The following POLD2 variants were observed in gnomAD, a reference collection of about 807,000 sequenced individuals.
POLD2 encodes the protein DNA polymerase delta subunit 2.
In POLD2, 31 loss-of-function variants were observed where a neutral mutation model predicts 48.8. The observed-to-expected ratio is 0.64, with a 90% CI of 0.48 to 0.86. The LOEUF (loss-of-function observed/expected upper bound fraction) is 0.86, where lower values mean the gene tolerates loss of function less well. POLD2 is among the 40% of genes least tolerant of loss of function. The pLI is 0.00. For missense variants in POLD2, 455 were observed against 610.1 expected, an observed-to-expected ratio of 0.75 and a Z score of 2.68; for synonymous variants, 233 against 256.3, an observed-to-expected ratio of 0.91 and a Z score of 0.87.
At chr7:44,117,496 A>T (rs1228347895) in intron 4 of POLD2, 123 bp downstream of exon 4, 1 of 1,247,484 alleles carries the variant, frequency 8.0e-7, no homozygotes, top group Admixed American at 2.1e-5. Flanking sequence ...CCTCCTCAAG[A>T]ACACACGTGT....
Position 44,114,689 on chromosome 7 carries a change from G to C in POLD2, c.*96C>G. The C allele has an allele frequency of 7.6e-7, 1 of 1,310,246 alleles. No individual in the cohort carries two copies. The highest frequency in any genetic ancestry group is 1.1e-6 in the Non-Finnish European group (1 of 947,882). The allele number at this position is 1,310,246 out of a possible 1,614,324, so 81.2% of individuals were successfully genotyped here. On this transcript the variant is annotated 3_prime_UTR_variant, in exon 11 of 11. Coordinates refer to ENST00000610533, the MANE Select transcript of POLD2 (RefSeq NM_006230.4). The stretch of plus-strand genomic sequence containing the variant: ...CCAGAGTGCCCAGGGCTCAAGGCTC[G>C]CATCAGCAAGTGCTCAGGCTTTATT...
Position 44,116,416 on chromosome 7 carries a change from C to T in POLD2, c.861+14G>A. The T allele has an allele frequency of 4.4e-6, 7 of 1,574,864 alleles. No homozygotes were observed. Among genetic ancestry groups the T allele is most frequent in the Non-Finnish European group, 6.0e-6 (7 of 1,159,562 alleles). On this transcript the variant is annotated intron_variant, in intron 7 of 10. Transcript: ENST00000610533. The surrounding 1 kb of genome is among the most constrained non-coding windows in gnomAD (Gnocchi z 6.1). Reference sequence around the variant, plus strand: ...TGCAATCCCCATCACCCCTCCAGCCCCCAGCTCGCTCACGCTCAGCTGCAG... The same window carrying T: ...TGCAATCCCCATCACCCCTCCAGCCTCCAGCTCGCTCACGCTCAGCTGCAG...
chr7:44,123,659 G>A, upstream of POLD2: 1 of 1,380,096 alleles, frequency 7.2e-7, no homozygotes, highest in Non-Finnish European at 9.3e-7. Context: ...GCCTCATCCC[G>A]CCGACCACTG....
intron 1 of POLD2, 34 bp from the exon 2 acceptor site, chr7:44,122,143 G>A (rs1409839197): frequency 1.3e-6 from 2 of 1,520,756 alleles, no homozygotes; most frequent in South Asian, 1.3e-5. Context: ...TGCTGCCCCT[G>A]TCCATCCCCC....
rs931062305 is a variant in POLD2 at position 44,121,465 on chromosome 7, T to C, written c.220+369A>G. On this transcript the variant is annotated intron_variant, in intron 2 of 10. Transcript: ENST00000610533. This position sits in a 1 kb window ranked among gnomAD's most constrained non-coding sequence, Gnocchi z 4.5. ...CCAGAGAGTGCATCCTCACCAGTCT[T>C]GGCTCCTGGTGCCTGGCGCCAGGCT... 1.3e-5 allele frequency among the ~76,000 whole-genome samples: 2 copies of C among 152,144 alleles called. No individual in the cohort carries two copies. The highest frequency in any genetic ancestry group is 2.9e-5 in the Non-Finnish European group (2 of 68,008).
rs888630793 is a variant in POLD2 at position 44,123,500 on chromosome 7, A to T, written c.-57+11T>A. 32 of 1,487,176 alleles carry T rather than the reference A, an allele frequency of 2.2e-5. No individual in the cohort carries two copies. The highest frequency in any genetic ancestry group is 2.7e-5 in the Non-Finnish European group (30 of 1,126,512). The allele number at this position is 1,487,176 out of a possible 1,614,324, so 92.1% of individuals were successfully genotyped here. ...CCCCCAGCTGACCCCGTTTCCCTGG[A>T]CCCCACTCACCGCGCGGCGCGCCGC... On this transcript the variant is annotated intron_variant, in intron 1 of 10. Transcript: ENST00000610533.
At chr7:44,123,738 G>C (rs369311961), upstream of POLD2, 557 of 1,333,814 alleles carry the variant, frequency 4.2e-4, 8 homozygotes, top group East Asian at 0.013. Context: ...AACGCGGGGC[G>C]GGGGCTCGCA....
intron 2 of POLD2, among the ~76,000 whole-genome samples, chr7:44,119,368 T>G (rs968175101): frequency 6.6e-6 from 1 of 152,144 alleles, no homozygotes; most frequent in South Asian, 2.1e-4. Flanking sequence ...CAGCACAGCC[T>G]GAGCCCCTGC....
At position 44,122,068 on chromosome 7, in the gene POLD2, C is replaced by T. The variant is rs766364060; in HGVS notation, c.-15G>A. The T allele has an allele frequency of 3.7e-6, 6 of 1,611,644 alleles. No individual in the cohort carries two copies. The South Asian group carries it at 4.4e-5, about 12-fold the overall frequency. On this transcript the variant is annotated 5_prime_UTR_variant, in exon 2 of 11. Transcript: ENST00000610533. ...TCAGAAAACATGGCCACACTCCTGACTTGCTTGGTCCACACAGCTTCGCCC... is the reference window on the plus strand; with the variant it reads ...TCAGAAAACATGGCCACACTCCTGATTTGCTTGGTCCACACAGCTTCGCCC...
At position 44,120,767 on chromosome 7, in the gene POLD2, T is replaced by C. The variant is rs538047844; in HGVS notation, c.220+1067A>G. ...AGAGCCTTGCTTTCCCTTCACCTTC[T>C]GCCATGATTGTTAAGTTTCCTGAGG... On this transcript the variant is annotated intron_variant, in intron 2 of 10. Transcript: ENST00000610533. Among the ~76,000 whole-genome samples the C allele has an allele frequency of 5.0e-4, 76 of 152,332 alleles. 1 individual carries two copies. The South Asian group carries it at 9.9e-3, about 20-fold the overall frequency.
At chr7:44,117,353 G>T in intron 4 of POLD2, 106 bp from the exon 5 acceptor site, 2 of 838,498 alleles carry the variant, frequency 2.4e-6, no homozygotes, top group Middle Eastern at 2.2e-4. Context: ...CCACATTGGT[G>T]AATTCTCACC....
At chr7:44,115,422 G>T in intron 9 of POLD2, 26 bp from the exon 10 acceptor site, 2 of 1,442,696 alleles carry the variant, frequency 1.4e-6, no homozygotes, top group South Asian at 2.3e-5. Context: ...CAGCTCTGAG[G>T]AGGGTTCCGC....
chr7:44,121,222 G>C lies in POLD2; in HGVS notation c.220+612C>G, dbSNP rs3217951. On this transcript the variant is annotated intron_variant, in intron 2 of 10. Coordinates refer to ENST00000610533, the MANE Select transcript of POLD2 (RefSeq NM_006230.4). This position sits in a 1 kb window ranked among gnomAD's most constrained non-coding sequence, Gnocchi z 4.5. Reference sequence around the variant, plus strand: ...ACCTAAAACTCAAATAAACTCAAAGGGGGAGATGGGGGTCCCTGCTTCACC... The same window carrying C: ...ACCTAAAACTCAAATAAACTCAAAGCGGGAGATGGGGGTCCCTGCTTCACC... Among the ~76,000 whole-genome samples the C allele has an allele frequency of 6.6e-6, 1 of 152,128 alleles. No individual in the cohort carries two copies. Among genetic ancestry groups the C allele is most frequent in the Non-Finnish European group, 1.5e-5 (1 of 68,020 alleles).
intron 1 of POLD2, chr7:44,123,109 T>C: frequency 7.8e-6 from 3 of 386,100 alleles, no homozygotes; most frequent in Non-Finnish European, 1.2e-5. Flanking sequence ...ACAATTGAAA[T>C]AATAGTTTGA....
In POLD2 at chr7:44,115,908, T is replaced by G; in HGVS notation, c.1020-15A>C. 1 of 1,614,170 alleles carries G rather than the reference T, an allele frequency of 6.2e-7. No individual in the cohort carries two copies. The highest frequency in any genetic ancestry group is 1.1e-5 in the South Asian group (1 of 91,088). ...TCCCCAAAAATCTGCAAGGCAAAGCTCAGCTGACTCTTGGCTTTGGGTGCC... is the reference window on the plus strand; with the variant it reads ...TCCCCAAAAATCTGCAAGGCAAAGCGCAGCTGACTCTTGGCTTTGGGTGCC... On this transcript the variant is annotated splice_polypyrimidine_tract_variant and intron_variant, in intron 8 of 10. Coordinates refer to ENST00000610533, the MANE Select transcript of POLD2 (RefSeq NM_006230.4).
intron 1 of POLD2, 52 bp from the exon 2 acceptor site, chr7:44,122,161 C>G: frequency 6.7e-7 from 1 of 1,490,462 alleles, no homozygotes; most frequent in African/African-American, 1.4e-5. Context: ...CCCAAAGCAG[C>G]AGCTCTCCTG....
At chr7:44,122,508 T>G (rs1307763810) in intron 1 of POLD2, 18 of 968,578 alleles carry the variant, frequency 1.9e-5, no homozygotes, top group Non-Finnish European at 2.2e-5. Context: ...AAAACTTCTG[T>G]GAAATAATAA....
intron 2 of POLD2, among the ~76,000 whole-genome samples, chr7:44,120,625 G>C (rs2096246970): frequency 6.6e-6 from 1 of 152,204 alleles, no homozygotes; most frequent in Non-Finnish European, 1.5e-5. Context: ...GATTGTGGGG[G>C]TGGATTTCCC....
chr7:44,121,513 G>A lies in POLD2; in HGVS notation c.220+321C>T, dbSNP rs112941775. 2.0e-5 allele frequency among the ~76,000 whole-genome samples: 3 copies of A among 152,250 alleles called. No homozygotes were observed. The highest frequency in any genetic ancestry group is 7.2e-5 in the African/African-American group (3 of 41,538). ...GCTTGCCACACTGAGGGGCTCTCTG[G>A]CTACAGCACAGGCAAATACCTGAAT... On this transcript the variant is annotated intron_variant, in intron 2 of 10. Coordinates refer to ENST00000610533, the MANE Select transcript of POLD2 (RefSeq NM_006230.4). This position sits in a 1 kb window ranked among gnomAD's most constrained non-coding sequence, Gnocchi z 4.5.
Sources: allele counts gnomAD v4.1 joint callset (sites outside exome capture counted in the v4.1 genomes callset), GRCh38; gene constraint gnomAD v4.1.1; non-coding constraint Gnocchi (gnomAD v3.1); transcripts MANE v1.5; gene names NCBI Gene and HGNC (gene_info 2026-07-23, HGNC 2026-07-21).